TMED10: variants seen among roughly 807,000 people sequenced by gnomAD.
The protein encoded by TMED10 is transmembrane emp24 domain-containing protein 10.
A neutral mutation model predicts 23.1 loss-of-function variants in TMED10; 7 were observed. The ratio of observed to expected loss-of-function variants is 0.30; its 90% CI spans 0.17 to 0.57. The LOEUF is 0.57. Ranked by LOEUF, TMED10 falls within the 20% of genes least tolerant of loss-of-function variation. The pLI is 0.91. For missense variants in TMED10, 162 were observed against 274.8 expected, an observed-to-expected ratio of 0.59 and a Z score of 2.90; for synonymous variants, 113 against 106.9, an observed-to-expected ratio of 1.06 and a Z score of -0.35.
rs746420107 is a variant in TMED10 at position 75,176,604 on chromosome 14, G to C, written c.-25C>G. On this transcript the variant is annotated 5_prime_UTR_variant, in exon 1 of 5. Coordinates refer to ENST00000303575, the MANE Select transcript of TMED10 (RefSeq NM_006827.6). ...TGGTGCTGGAGACTCGTTCACCACCGAAGGCCTCAACCGCGCCGGAACCGG... is the reference window on the plus strand; with the variant it reads ...TGGTGCTGGAGACTCGTTCACCACCCAAGGCCTCAACCGCGCCGGAACCGG... 6.2e-7 allele frequency: 1 copy of C among 1,612,834 alleles called. No homozygotes were observed. Among genetic ancestry groups the C allele is most frequent in the Non-Finnish European group, 8.5e-7 (1 of 1,179,254 alleles).
chr14:75,146,970 A>G (rs1174697818), intron 3 of TMED10, among the ~76,000 whole-genome samples: 2 of 152,006 alleles, frequency 1.3e-5, no homozygotes, highest in South Asian at 4.2e-4. Flanking sequence ...TTGGGGAAAA[A>G]GTCTTAGGAA....
At chr14:75,164,591 T>TAGAAGAGGCGGGGTTTTG (rs1896137539) in intron 1 of TMED10, among the ~76,000 whole-genome samples, 1 of 107,094 alleles carries the variant, frequency 9.3e-6, no homozygotes, top group African/African-American at 3.8e-5. Flanking sequence ...TTTTTTTTTT[T>TAGAAGAGGCGGGGTTTTG]TTTGTATTTT....
Position 75,135,872 on chromosome 14 carries a change from C to T in TMED10, c.426G>A (p.Glu142=), listed in dbSNP as rs755710654. The change falls in exon 4 of 5, where the codon GAG becomes GAA. Residue 142 remains glutamate (E), a synonymous_variant. Coordinates refer to ENST00000303575, the MANE Select transcript of TMED10 (RefSeq NM_006827.6). Reference sequence around the variant, plus strand: ...GCTCTACCTCTAATGGTTTGAGCTTCTCAACTTTTGCAATCTGGAAAAGAA... The same window carrying T: ...GCTCTACCTCTAATGGTTTGAGCTTTTCAACTTTTGCAATCTGGAAAAGAA... ...AKNYEEIAKV[E]KLKPLEVELR... The T allele has an allele frequency of 1.2e-6, 2 of 1,613,628 alleles. No homozygotes were observed. Among genetic ancestry groups the T allele is most frequent in the Non-Finnish European group, 1.7e-6 (2 of 1,179,902 alleles).
chr14:75,156,916 AAAAAGAAAAGAAAAGAAAAG>A (rs57658115), intron 1 of TMED10, among the ~76,000 whole-genome samples: 4 of 135,472 alleles, frequency 3.0e-5, no homozygotes, highest in African/African-American at 5.6e-5. Context: ...CCGTCTCAAA[AAAAAGAAAAGAAAAGAAAAG>A]AAAAGAAAAG....
chr14:75,146,928 T>TAGAC (rs1349860223), intron 3 of TMED10, among the ~76,000 whole-genome samples: 3 of 151,950 alleles, frequency 2.0e-5, no homozygotes, highest in Non-Finnish European at 2.9e-5. Flanking sequence ...GATAGATAGA[T>TAGAC]AGATAGATAG....
At chr14:75,149,296 T>G (rs1895927483) in intron 2 of TMED10, among the ~76,000 whole-genome samples, 1 of 152,222 alleles carries the variant, frequency 6.6e-6, no homozygotes, top group Admixed American at 6.5e-5. Flanking sequence ...ATCATAGAAG[T>G]AGGTTTGTTA....
chr14:75,147,553 T>A, intron 3 of TMED10, 111 bp downstream of exon 3: 1 of 1,135,750 alleles, frequency 8.8e-7, no homozygotes, highest in Non-Finnish European at 1.3e-6. Context: ...ACAAGACTGC[T>A]AAGAAACCAC....
At chr14:75,138,534 CA>C (rs536123422) in intron 3 of TMED10, among the ~76,000 whole-genome samples, 2,233 of 151,182 alleles carry the variant, frequency 0.015, 31 homozygotes, top group African/African-American at 0.031. Flanking sequence ...AGCTGCAGAA[CA>C]AAAAAAAATT....
At chr14:75,170,181 T>C (rs991050429) in intron 1 of TMED10, among the ~76,000 whole-genome samples, 6 of 152,010 alleles carry the variant, frequency 3.9e-5, no homozygotes, top group African/African-American at 7.3e-5. Flanking sequence ...TGAGCCAAGA[T>C]TGCACCACCG....
intron 3 of TMED10, among the ~76,000 whole-genome samples, chr14:75,137,515 A>G (rs549023959): frequency 1.6e-4 from 22 of 139,292 alleles, no homozygotes; most frequent in African/African-American, 5.5e-4. Flanking sequence ...TACTAAAAAT[A>G]AAAAAAAAAA....
chr14:75,150,261 A>G (rs1012093382), intron 2 of TMED10, among the ~76,000 whole-genome samples: 1 of 152,236 alleles, frequency 6.6e-6, no homozygotes, highest in African/African-American at 2.4e-5. Flanking sequence ...ACAAAACAAA[A>G]CAAAATGTGG....
intron 3 of TMED10, among the ~76,000 whole-genome samples, chr14:75,145,719 G>A (rs927833834): frequency 1.3e-4 from 20 of 152,172 alleles, no homozygotes; most frequent in Middle Eastern, 3.4e-3. Flanking sequence ...CCCGGGAGGC[G>A]GAGCTTGCAG....
chr14:75,155,284 C>CT (rs1896008486), intron 1 of TMED10, among the ~76,000 whole-genome samples: 1 of 152,084 alleles, frequency 6.6e-6, no homozygotes, highest in African/African-American at 2.4e-5. Context: ...TTTAAGATAC[C>CT]TAGACCTGTG....
At chr14:75,145,505 G>A (rs1361605769) in intron 3 of TMED10, among the ~76,000 whole-genome samples, 1 of 152,140 alleles carries the variant, frequency 6.6e-6, no homozygotes, top group Non-Finnish European at 1.5e-5. Context: ...ATACCCTTGG[G>A]CTGGGCGCGG....
rs113617138 is a variant in TMED10 at position 75,140,863 on chromosome 14, C to G, written c.412-4977G>C. Among the ~76,000 whole-genome samples, 904 of 151,972 alleles carry G rather than the reference C, an allele frequency of 5.9e-3. 8 individuals carry two copies. The highest frequency in any genetic ancestry group is 0.021 in the African/African-American group (870 of 41,456). ...TTGCTGGAGACCAGGCTGGGCAACA[C>G]AGCAAGACCCCATCTCTATTACAAA... On this transcript the variant is annotated intron_variant, in intron 3 of 4. Transcript: ENST00000303575.
Position 75,171,366 on chromosome 14 carries a change from G to A in TMED10, c.225+4989C>T, listed in dbSNP as rs558543781. ...ACGATCTCGGCTCACTACAATCTCC[G>A]CCTCCCAGGTTCAAGCGATTCCCCT... On this transcript the variant is annotated intron_variant, in intron 1 of 4. Transcript: ENST00000303575. Among the ~76,000 whole-genome samples the A allele has an allele frequency of 1.4e-4, 21 of 150,642 alleles. No homozygotes were observed. In the East Asian group the frequency reaches 3.7e-3, roughly 27 times the overall value.
chr14:75,172,964 G>C (rs1367292742), intron 1 of TMED10, among the ~76,000 whole-genome samples: 1 of 152,168 alleles, frequency 6.6e-6, no homozygotes, highest in Non-Finnish European at 1.5e-5. Context: ...GCAGTGGTGA[G>C]GACAATGAGA....
intron 1 of TMED10, among the ~76,000 whole-genome samples, chr14:75,154,917 C>T (rs1162576449): frequency 6.6e-6 from 1 of 151,026 alleles, no homozygotes; most frequent in Non-Finnish European, 1.5e-5. Flanking sequence ...CCTGCCTTGG[C>T]CTCTGAAAGT....
intron 1 of TMED10, among the ~76,000 whole-genome samples, chr14:75,167,395 C>T (rs1377338631): frequency 6.6e-6 from 1 of 151,696 alleles, no homozygotes; most frequent in African/African-American, 2.4e-5. Flanking sequence ...CCTGCCTCTT[C>T]GCCCCTCTGC....
Sources: allele counts gnomAD v4.1 joint callset (sites outside exome capture counted in the v4.1 genomes callset), GRCh38; gene constraint gnomAD v4.1.1; transcripts MANE v1.5; gene names NCBI Gene and HGNC (gene_info 2026-07-23, HGNC 2026-07-21).